RHBDF2: variants seen among roughly 807,000 people sequenced by gnomAD.
RHBDF2 encodes the protein rhomboid 5 homolog 2, also known as inactive rhomboid protein 2.
RHBDF2 carries 38 observed loss-of-function variants against 95.2 expected under a neutral mutation model. That is an observed-to-expected ratio of 0.40 (90% CI 0.31 to 0.52). RHBDF2 has a LOEUF of 0.52. RHBDF2 is among the 20% of genes least tolerant of loss of function. The probability of loss-of-function intolerance (pLI) is 0.56; values close to 1 mark genes in which losing one functional copy is unlikely to be tolerated. For synonymous variants in RHBDF2, 442 were observed against 462.0 expected, an observed-to-expected ratio of 0.96 and a Z score of 0.55; for missense variants, 863 against 1,137.7, an observed-to-expected ratio of 0.76 and a Z score of 3.47.
At chr17:76,487,298 G>C (rs2074165126) in intron 2 of RHBDF2, 1 of 149,100 alleles carries the variant, frequency 6.7e-6, no homozygotes. Flanking sequence ...GCCCAGGCTG[G>C]AGTGCAGTGG....
chr17:76,479,697 G>A, intron 4 of RHBDF2, 36 bp downstream of exon 4: 2 of 1,516,132 alleles, frequency 1.3e-6, no homozygotes, highest in Non-Finnish European at 1.8e-6. Context: ...AGGTTGCTGG[G>A]TGGGGGGTGC....
chr17:76,486,433 T>C (rs965977569), intron 2 of RHBDF2, among the ~76,000 whole-genome samples: 1 of 152,038 alleles, frequency 6.6e-6, no homozygotes, highest in Non-Finnish European at 1.5e-5. Context: ...TCACTGAAGG[T>C]TGGGAGCGGT....
At chr17:76,499,492 C>T (rs946655046) in intron 1 of RHBDF2, among the ~76,000 whole-genome samples, 2 of 152,214 alleles carry the variant, frequency 1.3e-5, no homozygotes, top group African/African-American at 4.8e-5. Flanking sequence ...CCATCTCTCA[C>T]CTCTGCTCAG....
intron 18 of RHBDF2, 55 bp from the exon 19 acceptor site, chr17:76,472,107 G>A (rs1051372814): frequency 1.1e-5 from 16 of 1,470,834 alleles, no homozygotes; most frequent in African/African-American, 5.6e-5. Flanking sequence ...GGCCTGGGCC[G>A]GGCCTGCACC....
At chr17:76,473,582 G>A in intron 15 of RHBDF2, 66 bp downstream of exon 15, 1 of 1,339,264 alleles carries the variant, frequency 7.5e-7, no homozygotes, top group South Asian at 1.3e-5. Flanking sequence ...AGGAGCAGAG[G>A]GCCCACAGGA....
chr17:76,478,343 C>T (rs1408645835), intron 6 of RHBDF2, among the ~76,000 whole-genome samples: 3 of 152,204 alleles, frequency 2.0e-5, no homozygotes, highest in African/African-American at 7.2e-5. Context: ...TAGTGAACGT[C>T]TCCTTGTGTC....
At chr17:76,477,471 C>G (rs1397745585) in intron 7 of RHBDF2, among the ~76,000 whole-genome samples, 173 bp from the exon 8 acceptor site, 1 of 151,256 alleles carries the variant, frequency 6.6e-6, no homozygotes, top group Non-Finnish European at 1.5e-5. Flanking sequence ...CTGTGCCCCA[C>G]CGCAGGTCTT....
At chr17:76,489,569 T>G (rs1190084878) in intron 1 of RHBDF2, among the ~76,000 whole-genome samples, 1 of 152,168 alleles carries the variant, frequency 6.6e-6, no homozygotes, top group Non-Finnish European at 1.5e-5. Context: ...GTGATCCGCC[T>G]GCCTCGGCCT....
chr17:76,500,446 C>T (rs2074550308), intron 1 of RHBDF2, among the ~76,000 whole-genome samples: 1 of 152,174 alleles, frequency 6.6e-6, no homozygotes, highest in East Asian at 1.9e-4. Flanking sequence ...AAGGCAGATG[C>T]TGGTCTCATT....
Position 76,474,041 on chromosome 17 carries a change from CTGG to C in RHBDF2, c.1563_1565del (p.His521del). On this transcript the variant is annotated inframe_deletion, in exon 13 of 19. Transcript: ENST00000675367. ...GAGGCTCCAGGCCCTACCTGGGGTCCTGGTGGCAGACAGCCCCCGAAGTCCGCT... is the reference window on the plus strand; with the variant it reads ...GAGGCTCCAGGCCCTACCTGGGGTCCTGGCAGACAGCCCCCGAAGTCCGCT... 6.2e-7 allele frequency: 1 copy of C among 1,613,200 alleles called. No individual in the cohort carries two copies. The highest frequency in any genetic ancestry group is 8.5e-7 in the Non-Finnish European group (1 of 1,179,748).
chr17:76,492,543 T>C (rs1025022913), intron 1 of RHBDF2, among the ~76,000 whole-genome samples: 8 of 150,734 alleles, frequency 5.3e-5, no homozygotes, highest in Admixed American at 1.3e-4. Context: ...GGTACAAGGG[T>C]CCCCCCGCCA....
chr17:76,484,646 T>C (rs2074069987), intron 2 of RHBDF2, among the ~76,000 whole-genome samples: 1 of 152,190 alleles, frequency 6.6e-6, no homozygotes, highest in Middle Eastern at 3.4e-3. Flanking sequence ...ATCACACCTG[T>C]TGCTTCCCTG....
At chr17:76,477,390 A>T in intron 7 of RHBDF2, 92 bp from the exon 8 acceptor site, 2 of 1,430,670 alleles carry the variant, frequency 1.4e-6, no homozygotes, top group Non-Finnish European at 1.9e-6. Flanking sequence ...ACAGCTGAAC[A>T]GACGGGCTCT....
intron 12 of RHBDF2, 46 bp from the exon 13 acceptor site, chr17:76,474,188 C>G: frequency 7.0e-7 from 1 of 1,426,782 alleles, no homozygotes; most frequent in Non-Finnish European, 9.6e-7. Context: ...GGCCAGGTCA[C>G]CCCCACTGGA....
At chr17:76,478,076 A>C (rs79337432) in intron 6 of RHBDF2, among the ~76,000 whole-genome samples, 2 of 152,242 alleles carry the variant, frequency 1.3e-5, no homozygotes, top group Non-Finnish European at 2.9e-5. Context: ...CTGGTACCCT[A>C]ACACTCAAAG....
In RHBDF2 at chr17:76,500,429, G is replaced by A. The variant is rs571004731; in HGVS notation, c.-220+924C>T. 3.9e-5 allele frequency among the ~76,000 whole-genome samples: 6 copies of A among 152,284 alleles called. No homozygotes were observed. In the South Asian group the frequency reaches 1.2e-3, roughly 32 times the overall value. On this transcript the variant is annotated intron_variant, in intron 1 of 18. Coordinates refer to ENST00000675367, the MANE Select transcript of RHBDF2 (RefSeq NM_001005498.4). ...ACTGCCTGCCCTACGGACAGTGAGG[G>A]TCGAATAAGGCAGATGCTGGTCTCA...
In RHBDF2 at chr17:76,477,313, A is replaced by G. The variant is rs1160906959; in HGVS notation, c.802-15T>C. 6.2e-7 allele frequency: 1 copy of G among 1,609,914 alleles called. No individual in the cohort carries two copies. Among genetic ancestry groups the G allele is most frequent in the Non-Finnish European group, 8.5e-7 (1 of 1,178,522 alleles). ...CTCATTTCTTCCTGGGGTGGGGGAC[A>G]AGAAAATACAGTGTAAGGAGTCTGT... is the stretch of plus-strand genomic sequence containing the variant. On this transcript the variant is annotated splice_polypyrimidine_tract_variant and intron_variant, in intron 7 of 18. Transcript: ENST00000675367.
rs1255968289 is a variant in RHBDF2 at position 76,474,427 on chromosome 17, G to A, written c.1410C>T (p.Cys470=). 4 of 1,613,868 alleles carry A rather than the reference G, an allele frequency of 2.5e-6. No individual in the cohort carries two copies. The Admixed American group carries it at 6.7e-5, about 27-fold the overall frequency. ...RERDLERDSG[C]CVQNDHSGCI... ...ATCCGGAGTGGTCATTCTGGACACA[G>A]CAGCCTGAGTCCCGCTCCAGGTCTC... Residue 470 remains cysteine (C), a synonymous_variant, in exon 12 of 19, where the codon TGC becomes TGT. Coordinates refer to ENST00000675367, the MANE Select transcript of RHBDF2 (RefSeq NM_001005498.4).
At chr17:76,473,134 C>T in intron 16 of RHBDF2, 29 bp from the exon 17 acceptor site, 1 of 1,601,958 alleles carries the variant, frequency 6.2e-7, no homozygotes, top group Non-Finnish European at 8.6e-7. Context: ...TGCTCAGCGC[C>T]CCAGAAGCAG....
Sources: gnomAD v4.1 joint callset for allele counts (sites outside exome capture counted in the v4.1 genomes callset) on GRCh38, gnomAD v4.1.1 for gene constraint, MANE v1.5 for transcripts, NCBI Gene and HGNC (gene_info 2026-07-23, HGNC 2026-07-21) for gene names.